Variants in LYPLA1 observed in about 807,000 individuals in gnomAD.
LYPLA1 encodes the protein acyl-protein thioesterase 1.
LYPLA1 carries 17 observed loss-of-function variants against 34.0 expected under a neutral mutation model. The ratio of observed to expected loss-of-function variants is 0.50; its 90% CI spans 0.34 to 0.75. LYPLA1 has a LOEUF of 0.75. Ranked by LOEUF, LYPLA1 falls within the 30% of genes least tolerant of loss-of-function variation. The pLI is 0.01. For synonymous variants in LYPLA1, 98 were observed against 100.8 expected (o/e 0.97, Z 0.17); for missense variants, 203 against 288.8 (o/e 0.70, Z 2.15).
intron 8 of LYPLA1, among the ~76,000 whole-genome samples, chr8:54,049,006 A>G (rs2129321086): frequency 6.6e-6 from 1 of 152,322 alleles, no homozygotes; most frequent in Non-Finnish European, 1.5e-5. Flanking sequence ...GCTGCTCTAG[A>G]GACCTTCAGT....
At chr8:54,060,611 CTAGCTTGTA>C (rs1806534615) in intron 5 of LYPLA1, among the ~76,000 whole-genome samples, 1 of 151,956 alleles carries the variant, frequency 6.6e-6, no homozygotes, top group Admixed American at 6.6e-5. Context: ...TAAGAAACAC[CTAGCTTGTA>C]AACAGTTATG....
intron 2 of LYPLA1, among the ~76,000 whole-genome samples, chr8:54,090,395 A>C (rs1033792877): frequency 2.0e-5 from 3 of 152,192 alleles, no homozygotes; most frequent in Non-Finnish European, 4.4e-5. Flanking sequence ...TTTCTGTTTT[A>C]AGGCTCTATT....
At chr8:54,082,314 A>G (rs1808383114) in intron 2 of LYPLA1, among the ~76,000 whole-genome samples, 1 of 152,254 alleles carries the variant, frequency 6.6e-6, no homozygotes, top group African/African-American at 2.4e-5. Context: ...CATACGCACC[A>G]TAGTATGTTT....
chr8:54,062,182 G>A (rs1487822238), intron 5 of LYPLA1, 72 bp downstream of exon 5: 5 of 1,075,396 alleles, frequency 4.6e-6, no homozygotes, highest in Non-Finnish European at 5.6e-6. Flanking sequence ...TTAACCAGTA[G>A]CGATATGATT....
At chr8:54,044,913 G>A (rs1485333816), downstream of LYPLA1, 3 of 152,128 alleles carry the variant, frequency 2.0e-5, no homozygotes, top group African/African-American at 7.2e-5. Flanking sequence ...TTTATGGTGA[G>A]CTGATTTGTA....
intron 2 of LYPLA1, among the ~76,000 whole-genome samples, chr8:54,094,723 G>A (rs981463710): frequency 3.9e-5 from 6 of 152,146 alleles, no homozygotes; most frequent in Non-Finnish European, 7.3e-5. Context: ...GACTAGAGCA[G>A]GAAACATATA....
At chr8:54,085,614 C>T (rs1808667913) in intron 2 of LYPLA1, among the ~76,000 whole-genome samples, 2 of 151,396 alleles carry the variant, frequency 1.3e-5, no homozygotes, top group Admixed American at 1.3e-4. Flanking sequence ...GTGAGGAGCG[C>T]CTCTGCCTGG....
chr8:54,084,148 A>T (rs1401018857), intron 2 of LYPLA1, among the ~76,000 whole-genome samples: 18 of 137,128 alleles, frequency 1.3e-4, no homozygotes, highest in African/African-American at 5.4e-4. Flanking sequence ...ATAAATATAT[A>T]TATATATATA....
At chr8:54,049,720 G>C (rs1386127091) in intron 8 of LYPLA1, among the ~76,000 whole-genome samples, 1 of 151,798 alleles carries the variant, frequency 6.6e-6, no homozygotes. Context: ...CCACTCATAG[G>C]TCTTTCTCTG....
intron 2 of LYPLA1, among the ~76,000 whole-genome samples, chr8:54,087,245 C>T (rs1280246306): frequency 3.9e-5 from 6 of 152,046 alleles, no homozygotes; most frequent in Non-Finnish European, 8.8e-5. Context: ...TAGCAATGAA[C>T]AATATAAAAA....
chr8:54,069,000 A>C (rs550488974), intron 2 of LYPLA1, among the ~76,000 whole-genome samples: 1 of 152,342 alleles, frequency 6.6e-6, no homozygotes, highest in South Asian at 2.1e-4. Context: ...AAATATGCAA[A>C]AGACTTGATG....
Position 54,047,698 on chromosome 8 carries a change from T to C in LYPLA1, c.*367A>G, listed in dbSNP as rs572540172. The C allele has an allele frequency of 1.1e-5, 2 of 174,202 alleles. No individual in the cohort carries two copies. The highest frequency in any genetic ancestry group is 2.4e-5 in the Non-Finnish European group (2 of 83,044). The allele number at this position is 174,202 out of a possible 1,614,324, so 10.8% of individuals were successfully genotyped here. ...ACAGCATGCATAAATTGTTTATATC[T>C]TAACTGCTCATTTATACCTGAACAA... On this transcript the variant is annotated 3_prime_UTR_variant, in exon 9 of 9. Coordinates refer to ENST00000316963, the MANE Select transcript of LYPLA1 (RefSeq NM_006330.4).
intron 2 of LYPLA1, among the ~76,000 whole-genome samples, chr8:54,082,876 G>A (rs1170269495): frequency 5.3e-5 from 8 of 152,040 alleles, no homozygotes; most frequent in South Asian, 2.1e-4. Flanking sequence ...ACAGGTACCC[G>A]CCACTACGCC....
downstream of LYPLA1, among the ~76,000 whole-genome samples, chr8:54,045,147 T>C (rs1805446704): frequency 6.6e-6 from 1 of 152,204 alleles, no homozygotes; most frequent in Non-Finnish European, 1.5e-5. Context: ...AAAATCAAGA[T>C]GGTTGATCAG....
At chr8:54,073,441 A>G in intron 2 of LYPLA1, 3 of 773,752 alleles carry the variant, frequency 3.9e-6, no homozygotes, top group Non-Finnish European at 4.8e-6. Flanking sequence ...TCAGCCATTT[A>G]TCTACCTGGC....
chr8:54,089,512 G>C (rs1234683095), intron 2 of LYPLA1, among the ~76,000 whole-genome samples: 1 of 138,990 alleles, frequency 7.2e-6, no homozygotes, highest in Non-Finnish European at 1.5e-5. Context: ...CGGGATCTTT[G>C]AACATATGTG....
At chr8:54,064,149 T>C (rs1325513095) in intron 3 of LYPLA1, among the ~76,000 whole-genome samples, 1 of 139,338 alleles carries the variant, frequency 7.2e-6, no homozygotes, top group Non-Finnish European at 1.6e-5. Context: ...GCGGGGTGGG[T>C]CACGCCTGTA....
chr8:54,086,413 A>AATG (rs1293360658), intron 2 of LYPLA1, among the ~76,000 whole-genome samples: 1 of 145,386 alleles, frequency 6.9e-6, no homozygotes. Context: ...AACACCCAAG[A>AATG]ATGATCAATA....
chr8:54,098,269 G>A (rs919635005), intron 2 of LYPLA1, among the ~76,000 whole-genome samples: 1 of 151,790 alleles, frequency 6.6e-6, no homozygotes, highest in African/African-American at 2.4e-5. Context: ...TGATAACCCA[G>A]ATGGCTACCA....
Sources: allele counts gnomAD v4.1 joint callset (sites outside exome capture counted in the v4.1 genomes callset), GRCh38; gene constraint gnomAD v4.1.1; transcripts MANE v1.5; gene names NCBI Gene and HGNC (gene_info 2026-07-23, HGNC 2026-07-21).